DCBLD2: variants seen among roughly 807,000 people sequenced by gnomAD.
The protein encoded by DCBLD2 is discoidin, CUB and LCCL domain-containing protein 2.
A neutral mutation model predicts 86.8 loss-of-function variants in DCBLD2; 54 were observed. The observed-to-expected ratio is 0.62, with a 90% CI of 0.50 to 0.78. DCBLD2 has a LOEUF of 0.78. Ranked by LOEUF, DCBLD2 falls within the 30% of genes least tolerant of loss-of-function variation. DCBLD2 has a pLI of 0.00. For missense variants in DCBLD2, 908 were observed against 954.2 expected (o/e 0.95, Z 0.64); for synonymous variants, 354 against 341.3 (o/e 1.04, Z -0.41).
intron 3 of DCBLD2, among the ~76,000 whole-genome samples, chr3:98,828,756 A>C (rs1375318215): frequency 6.6e-6 from 1 of 152,180 alleles, no homozygotes; most frequent in African/African-American, 2.4e-5. Flanking sequence ...TTGTACACAA[A>C]AGTTCATCAA....
intron 2 of DCBLD2, among the ~76,000 whole-genome samples, chr3:98,850,084 T>A (rs1410744690): frequency 2.6e-5 from 4 of 152,182 alleles, no homozygotes; most frequent in Non-Finnish European, 4.4e-5. Context: ...CTTTAGGTGA[T>A]CATATCTGAT....
chr3:98,844,482 C>A (rs1320620510), intron 3 of DCBLD2, among the ~76,000 whole-genome samples: 1 of 151,904 alleles, frequency 6.6e-6, no homozygotes, highest in Non-Finnish European at 1.5e-5. Context: ...CTGCCTCAGC[C>A]CCCTGAGTAG....
At chr3:98,859,634 G>A (rs965813182) in intron 2 of DCBLD2, among the ~76,000 whole-genome samples, 4 of 152,168 alleles carry the variant, frequency 2.6e-5, no homozygotes, top group Admixed American at 6.5e-5. Flanking sequence ...TGGACCTCCA[G>A]AAAACTCCAA....
intron 13 of DCBLD2, among the ~76,000 whole-genome samples, chr3:98,803,380 T>C (rs562545989): frequency 2.0e-5 from 3 of 152,346 alleles, no homozygotes; most frequent in South Asian, 2.1e-4. Flanking sequence ...CTTGTGATTT[T>C]TGTACATTGA....
At chr3:98,819,577 G>T in intron 7 of DCBLD2, 160 bp from the exon 8 acceptor site, 1 of 724,344 alleles carries the variant, frequency 1.4e-6, no homozygotes, top group Non-Finnish European at 2.3e-6. Context: ...TGTTTCTTGG[G>T]CATATGTCTT....
At chr3:98,853,552 G>C (rs1466350482) in intron 2 of DCBLD2, among the ~76,000 whole-genome samples, 1 of 152,206 alleles carries the variant, frequency 6.6e-6, no homozygotes, top group East Asian at 1.9e-4. Flanking sequence ...CCTGTTGGCA[G>C]TGAGCTTGTA....
At chr3:98,836,013 G>A (rs1942439385) in intron 3 of DCBLD2, among the ~76,000 whole-genome samples, 1 of 125,742 alleles carries the variant, frequency 8.0e-6, no homozygotes, top group African/African-American at 3.0e-5. Context: ...TTGAACTTAT[G>A]TATAGATTTC....
chr3:98,838,250 C>T (rs374458420), intron 3 of DCBLD2, among the ~76,000 whole-genome samples: 52 of 100,908 alleles, frequency 5.2e-4, no homozygotes, highest in African/African-American at 1.7e-3. Flanking sequence ...ACTTCTCAGA[C>T]GGGGCAGCTG....
intron 3 of DCBLD2, among the ~76,000 whole-genome samples, chr3:98,825,997 C>G (rs1387233131): frequency 6.6e-6 from 1 of 151,946 alleles, no homozygotes; most frequent in Non-Finnish European, 1.5e-5. Context: ...TTTAACAAGT[C>G]CTCTCAGTAA....
In DCBLD2 at chr3:98,796,662, G is replaced by T. The variant is rs1453290779; in HGVS notation, c.*2710C>A. 1 of 152,602 alleles carries T rather than the reference G, an allele frequency of 6.6e-6. No individual in the cohort carries two copies. The highest frequency in any genetic ancestry group is 2.4e-5 in the African/African-American group (1 of 41,432). 9.5% of individuals were successfully genotyped at this position (152,602 alleles called of 1,614,324 possible). A position where few individuals can be genotyped will look rare whatever the true frequency, so the allele number is the denominator to read the frequency against. On this transcript the variant is annotated 3_prime_UTR_variant, in exon 16 of 16. Coordinates refer to ENST00000326840, the MANE Select transcript of DCBLD2 (RefSeq NM_080927.4). ...TTGTTCAATGCAAAGTGCAAACAGT[G>T]AAACATGAACTTAAATAAACTGGAC...
In DCBLD2 at chr3:98,799,749, C is replaced by G; in HGVS notation, c.1951G>C (p.Asp651His). ...PEEGKEAGYA[D>H]LDPYNSPGQE... ...CCTGGTGAGTTGTAAGGATCTAGGT[C>G]TGCATAGCCTGCTTCTTTTCCTTCT... Residue 651 changes from aspartate to histidine, a missense_variant, in exon 16 of 16, where the codon GAC becomes CAC. Asp to His is a moderately conservative substitution (Grantham distance 81, BLOSUM62 -1). Transcript: ENST00000326840. The G allele has an allele frequency of 6.2e-7, 1 of 1,613,944 alleles. No homozygotes were observed. Among genetic ancestry groups the G allele is most frequent in the East Asian group, 2.2e-5 (1 of 44,880 alleles).
intron 3 of DCBLD2, among the ~76,000 whole-genome samples, chr3:98,838,415 C>A (rs1417529643): frequency 1.6e-5 from 2 of 124,552 alleles, no homozygotes; most frequent in African/African-American, 6.2e-5. Flanking sequence ...GATGGGGCGG[C>A]GGGGCAGAGG....
chr3:98,860,631 A>T (rs1943023951), intron 2 of DCBLD2, among the ~76,000 whole-genome samples: 2 of 152,260 alleles, frequency 1.3e-5, no homozygotes, highest in African/African-American at 4.8e-5. Flanking sequence ...ACTAAGCTTC[A>T]TAAGTGAAGG....
intron 14 of DCBLD2, chr3:98,801,248 C>G (rs1400474567): frequency 3.6e-6 from 1 of 276,310 alleles, no homozygotes; most frequent in African/African-American, 2.2e-5. Context: ...AGGACAAACA[C>G]ACACTGTGTC....
chr3:98,834,983 A>AT (rs1166072955), intron 3 of DCBLD2, among the ~76,000 whole-genome samples: 1 of 137,826 alleles, frequency 7.3e-6, no homozygotes, highest in East Asian at 2.1e-4. Context: ...TTTTTTTTTT[A>AT]TTTTTTTGAG....
intron 1 of DCBLD2, 39 bp from the exon 2 acceptor site, chr3:98,881,806 A>G (rs1225276967): frequency 6.4e-7 from 1 of 1,559,358 alleles, no homozygotes; most frequent in Middle Eastern, 1.8e-4. Flanking sequence ...TTATTCTCAC[A>G]TATTTTACTT....
chr3:98,887,585 T>C (rs1293669217), intron 1 of DCBLD2, among the ~76,000 whole-genome samples: 1 of 152,046 alleles, frequency 6.6e-6, no homozygotes, highest in East Asian at 1.9e-4. Flanking sequence ...CAGTCTTCTT[T>C]AGTGTTCACA....
chr3:98,888,711 T>C (rs977806521), intron 1 of DCBLD2, among the ~76,000 whole-genome samples: 2 of 152,040 alleles, frequency 1.3e-5, no homozygotes, highest in Non-Finnish European at 2.9e-5. Flanking sequence ...AAGAGAACAA[T>C]GGCACATTAT....
Position 98,796,439 on chromosome 3 carries a change from C to CG in DCBLD2, c.*2932_*2933insC, listed in dbSNP as rs1249416018. 6.6e-6 allele frequency: 1 copy of CG among 152,646 alleles called. No individual in the cohort carries two copies. The highest frequency in any genetic ancestry group is 1.5e-5 in the Non-Finnish European group (1 of 68,032). The allele number at this position is 152,646 out of a possible 1,614,324, so 9.5% of individuals were successfully genotyped here. A position where few individuals can be genotyped will look rare whatever the true frequency, so the allele number is the denominator to read the frequency against. On this transcript the variant is annotated 3_prime_UTR_variant, in exon 16 of 16. Coordinates refer to ENST00000326840, the MANE Select transcript of DCBLD2 (RefSeq NM_080927.4). Reference sequence around the variant, plus strand: ...ATGATGTTTCTATAGACCTCTTGCTCTCTAGGTGACAATGCAGAGCCAGGG... The same window carrying CG: ...ATGATGTTTCTATAGACCTCTTGCTCGTCTAGGTGACAATGCAGAGCCAGGG...
Sources: gnomAD v4.1 joint callset for allele counts (sites outside exome capture counted in the v4.1 genomes callset) on GRCh38, gnomAD v4.1.1 for gene constraint, MANE v1.5 for transcripts, NCBI Gene and HGNC (gene_info 2026-07-23, HGNC 2026-07-21) for gene names.